Variants in PKD1 observed in about 807,000 individuals in gnomAD.
The protein encoded by PKD1 is polycystin 1, transient receptor potential channel interacting.
PKD1 carries 81 observed loss-of-function variants against 361.7 expected under a neutral mutation model. The ratio of observed to expected loss-of-function variants is 0.22; its 90% CI spans 0.19 to 0.27. The LOEUF (loss-of-function observed/expected upper bound fraction) is 0.27, where lower values mean the gene tolerates loss of function less well. Ranked by LOEUF, PKD1 falls within the 10% of genes least tolerant of loss-of-function variation. PKD1 has a pLI of 1.00. For synonymous variants in PKD1, 3,615 were observed against 2,818.3 expected (o/e 1.28, Z -8.95); for missense variants, 6,399 against 6,118.3 (o/e 1.05, Z -1.53).
At position 2,091,770 on chromosome 16, in the gene PKD1, G is replaced by A. The variant is rs532307379; in HGVS notation, c.11537+11C>T. 8 of 1,610,008 alleles carry A rather than the reference G, an allele frequency of 5.0e-6. No homozygotes were observed. Among genetic ancestry groups the A allele is most frequent in the Admixed American group, 1.7e-5 (1 of 59,834 alleles). Reference sequence around the variant, plus strand: ...GGCCACCCCGGAGAGGGCAGGGGAGGGAGCTCCCACCTGTTGTCCAGCCAG... The same window carrying A: ...GGCCACCCCGGAGAGGGCAGGGGAGAGAGCTCCCACCTGTTGTCCAGCCAG... On this transcript the variant is annotated intron_variant, in intron 41 of 45. Transcript: ENST00000262304.
In PKD1 at chr16:2,094,742, G is replaced by A. The variant is rs1248426960; in HGVS notation, c.10500-532C>T. ...CCAGGAGCCAGTGACCACCGAGGCTGTGCCACTGCATCGGGCCACCATGCT... is the reference window on the plus strand; with the variant it reads ...CCAGGAGCCAGTGACCACCGAGGCTATGCCACTGCATCGGGCCACCATGCT... On this transcript the variant is annotated intron_variant, in intron 34 of 45. Coordinates refer to ENST00000262304, the MANE Select transcript of PKD1 (RefSeq NM_001009944.3). 6 of 168,084 alleles carry A rather than the reference G, an allele frequency of 3.6e-5. No homozygotes were observed. In the South Asian group the frequency reaches 6.4e-4, roughly 18 times the overall value. The allele number at this position is 168,084 out of a possible 1,614,324, so 10.4% of individuals were successfully genotyped here.
rs1223606341 is a variant in PKD1 at position 2,090,772 on chromosome 16, C to T, written c.12040G>A (p.Val4014Ile). The change falls in exon 44 of 46, where the codon GTC becomes ATC. Residue 4014 changes from valine (V) to isoleucine (I), a missense_variant. By Grantham distance (29) the Val-to-Ile change is conservative. Transcript: ENST00000262304. The part of the protein sequence containing the change: ...QQLRFVRQWS[V>I]FGKTLCRALP... ...GCTCGGCATAATGTCTTGCCAAAGACGGACCACTGGCGCACGAAGCGTAGC... is the reference window on the plus strand; with the variant it reads ...GCTCGGCATAATGTCTTGCCAAAGATGGACCACTGGCGCACGAAGCGTAGC... 4.3e-6 allele frequency: 7 copies of T among 1,612,646 alleles called. No individual in the cohort carries two copies. The highest frequency in any genetic ancestry group is 1.7e-5 in the Admixed American group (1 of 60,032).
intron 9 of PKD1, 105 bp from the exon 10 acceptor site, chr16:2,115,730 C>A: frequency 8.7e-7 from 1 of 1,155,060 alleles, no homozygotes; most frequent in South Asian, 1.4e-5. Context: ...GAGGACAGGT[C>A]TCCCCACCTG....
chr16:2,125,027 GGGGACA>G (rs2092776627), intron 1 of PKD1, among the ~76,000 whole-genome samples: 1 of 152,224 alleles, frequency 6.6e-6, no homozygotes, highest in Non-Finnish European at 1.5e-5. Flanking sequence ...GGAGAGGACA[GGGGACA>G]GGCGGCAGTG....
In PKD1 at chr16:2,110,204, C is replaced by A. The variant is rs149671582; in HGVS notation, c.4963G>T (p.Val1655Leu). Residue 1655 changes from valine to leucine, a missense_variant, in exon 15 of 46, where the codon GTG becomes TTG. Coordinates refer to ENST00000262304, the MANE Select transcript of PKD1 (RefSeq NM_001009944.3). ...PTNHTVQLQA[V>L]VRDGTNVSYS... Reference sequence around the variant, plus strand: ...GAGACGTTGGTGCCATCCCTAACCACGGCCTGCAGCTGTACCGTGTGGTTG... The same window carrying A: ...GAGACGTTGGTGCCATCCCTAACCAAGGCCTGCAGCTGTACCGTGTGGTTG... 329 of 1,611,710 alleles carry A rather than the reference C, an allele frequency of 2.0e-4. 1 individual carries two copies. The African/African-American group carries it at 3.5e-3, about 17-fold the overall frequency.
Position 2,105,325 on chromosome 16 carries a change from G to C in PKD1, c.8013C>G (p.Cys2671Trp). 6.3e-7 allele frequency: 1 copy of C among 1,594,268 alleles called. No individual in the cohort carries two copies. Among genetic ancestry groups the C allele is most frequent in the African/African-American group, 1.3e-5 (1 of 74,714 alleles). The change falls in exon 21 of 46, where the codon TGC (cysteine) becomes TGG (tryptophan). Residue 2671 changes from cysteine (C) to tryptophan (W), a missense_variant. By Grantham distance (215) the Cys-to-Trp change is radical. Coordinates refer to ENST00000262304, the MANE Select transcript of PKD1 (RefSeq NM_001009944.3). ...TGAGCAGGTGGGGCCATCCTACCAT[G>C]CACTGGGCCAGCGCAGCAGCGATCT... is the stretch of plus-strand genomic sequence containing the variant. ...IQQIAAALAQ[C>W]MGPSRELVCR...
intron 1 of PKD1, among the ~76,000 whole-genome samples, chr16:2,126,528 G>A (rs1291598260): frequency 1.3e-5 from 2 of 152,286 alleles, no homozygotes; most frequent in Admixed American, 6.5e-5. Context: ...CATGAAGAGC[G>A]AGGTGTTCTG....
rs1048855886 is a variant in PKD1, at chr16:2,105,553, G to A, written c.7864-79C>T. ...AGGCCAGCAGATGCCCACGACTCCC[G>A]GGGTGCAGTTACGTGCTAGACGCTG... On this transcript the variant is annotated intron_variant, in intron 20 of 45. Coordinates refer to ENST00000262304, the MANE Select transcript of PKD1 (RefSeq NM_001009944.3). 1.2e-4 allele frequency: 199 copies of A among 1,594,782 alleles called. No individual in the cohort carries two copies. In the African/African-American group the frequency reaches 1.6e-3, roughly 13 times the overall value.
rs1014133572 is a variant in PKD1, at chr16:2,112,650, G to A, written c.3161+138C>T. On this transcript the variant is annotated intron_variant, in intron 13 of 45. Coordinates refer to ENST00000262304, the MANE Select transcript of PKD1 (RefSeq NM_001009944.3). ...GCTCCCGTGCAGCCTCAGGGCTCCT[G>A]TGCACCCAGTTACCTCCCAACAGAC... 4.6e-5 allele frequency: 51 copies of A among 1,105,786 alleles called. 1 individual carries two copies. The highest frequency in any genetic ancestry group is 4.5e-4 in the South Asian group (34 of 74,754). 68.5% of individuals were successfully genotyped at this position (1,105,786 alleles called of 1,614,324 possible). A position where few individuals can be genotyped will look rare whatever the true frequency, so the allele number is the denominator to read the frequency against.
intron 1 of PKD1, among the ~76,000 whole-genome samples, chr16:2,129,447 C>T (rs2092840946): frequency 6.6e-6 from 1 of 151,752 alleles, no homozygotes; most frequent in Admixed American, 6.6e-5. Context: ...TTTTGATTTA[C>T]GTTTCCCTCA....
chr16:2,129,308 A>C (rs372327661), intron 1 of PKD1, among the ~76,000 whole-genome samples: 1 of 149,682 alleles, frequency 6.7e-6, no homozygotes, highest in African/African-American at 2.5e-5. Flanking sequence ...TACAGGCGCC[A>C]CCACTAATAT....
rs1019415432 is a variant in PKD1, at chr16:2,118,781, C to T, written c.424G>A (p.Glu142Lys). ...GGCTGCACCACCCGCACCTGCTGCT[C>T]CTCCGCCCATCGCGGCAGCCACGCC... ...GLAWLPRWAEEQQVRVVQPEA... is the reference protein window; with the variant it reads ...GLAWLPRWAEKQQVRVVQPEA... The change falls in exon 4 of 46, where the codon GAG becomes AAG. Residue 142 changes from glutamate (E) to lysine (K), a missense_variant. Transcript: ENST00000262304. The surrounding 1 kb of genome is among the most constrained non-coding windows in gnomAD (Gnocchi z 6.0). 3.4e-6 allele frequency: 5 copies of T among 1,451,232 alleles called. No homozygotes were observed. The highest frequency in any genetic ancestry group is 4.8e-6 in the Non-Finnish European group (5 of 1,050,434). 89.9% of individuals were successfully genotyped at this position (1,451,232 alleles called of 1,614,324 possible). A position where few individuals can be genotyped will look rare whatever the true frequency, so the allele number is the denominator to read the frequency against.
intron 1 of PKD1, among the ~76,000 whole-genome samples, chr16:2,120,411 G>A (rs766074489): frequency 2.6e-5 from 4 of 152,122 alleles, no homozygotes; most frequent in East Asian, 1.9e-4. Flanking sequence ...TAAAGAAAAC[G>A]TCAACTATTC....
rs1467552509 is a variant in PKD1 at position 2,093,513 on chromosome 16, T to C, written c.11016+31A>G. 3.2e-6 allele frequency: 5 copies of C among 1,570,560 alleles called. No individual in the cohort carries two copies. The African/African-American group carries it at 5.4e-5, about 17-fold the overall frequency. On this transcript the variant is annotated intron_variant, in intron 37 of 45. Coordinates refer to ENST00000262304, the MANE Select transcript of PKD1 (RefSeq NM_001009944.3). The stretch of plus-strand genomic sequence containing the variant: ...GGAGGTGGGAGACAAGAGACGGAGG[T>C]GGCAGGGGCACAGGCCGCACCCAGG...
chr16:2,121,076 G>A (rs947440521), intron 1 of PKD1, among the ~76,000 whole-genome samples: 1 of 151,780 alleles, frequency 6.6e-6, no homozygotes, highest in African/African-American at 2.4e-5. Flanking sequence ...AAAAGGAGAA[G>A]GGGAAAGAGC....
intron 1 of PKD1, among the ~76,000 whole-genome samples, chr16:2,128,671 G>C (rs964630411): frequency 1.3e-5 from 2 of 152,226 alleles, no homozygotes; most frequent in African/African-American, 2.4e-5. Flanking sequence ...GCGGAGCCCG[G>C]CGTGGCCACC....
At chr16:2,092,627 C>G (rs375435719) in intron 38 of PKD1, 35 bp from the exon 39 acceptor site, 3 of 1,430,200 alleles carry the variant, frequency 2.1e-6, no homozygotes. Flanking sequence ...CCAGCCCCTA[C>G]TGCCCCATGC....
chr16:2,099,890 C>G lies in PKD1; in HGVS notation c.9894G>C (p.Trp3298Cys). 6.4e-7 allele frequency: 1 copy of G among 1,566,456 alleles called. No homozygotes were observed. The highest frequency in any genetic ancestry group is 1.4e-5 in the African/African-American group (1 of 73,974). ...AGGCAGAGTCGCCAACAGCCCCGTACCACACGGCGTTGGCGCCCAGGAAGA... is the reference window on the plus strand; with the variant it reads ...AGGCAGAGTCGCCAACAGCCCCGTAGCACACGGCGTTGGCGCCCAGGAAGA... ...ICLFLGANAVWYGAVGDSAYS... is the reference protein window; with the variant it reads ...ICLFLGANAVCYGAVGDSAYS... Residue 3298 changes from tryptophan (W) to cysteine (C), a missense_variant, in exon 29 of 46, where the codon TGG becomes TGC. Coordinates refer to ENST00000262304, the MANE Select transcript of PKD1 (RefSeq NM_001009944.3).
chr16:2,115,543 T>C lies in PKD1; in HGVS notation c.1932A>G (p.Gly644=), dbSNP rs1455421348. 1.4e-5 allele frequency: 22 copies of C among 1,587,718 alleles called. No homozygotes were observed. Among genetic ancestry groups the C allele is most frequent in the Non-Finnish European group, 1.7e-5 (20 of 1,164,686 alleles). The change falls in exon 10 of 46, where the codon GGA becomes GGG. Residue 644 remains glycine, a synonymous_variant. Coordinates refer to ENST00000262304, the MANE Select transcript of PKD1 (RefSeq NM_001009944.3). The stretch of plus-strand genomic sequence containing the variant: ...AGATGTTGGCTCCAGGGCACCAGCG[T>C]CCCCCTGGCATGCACGCGGGGGCCA... ...TQLAPACMPG[G]RWCPGANICL...
Sources: gnomAD v4.1 joint callset for allele counts (sites outside exome capture counted in the v4.1 genomes callset) on GRCh38, gnomAD v4.1.1 for gene constraint, Gnocchi (gnomAD v3.1) non-coding constraint, MANE v1.5 for transcripts, NCBI Gene and HGNC (gene_info 2026-07-23, HGNC 2026-07-21) for gene names.